SYN3: variants seen among roughly 807,000 people sequenced by gnomAD.
SYN3 encodes the protein synapsin III.
Under a neutral mutation model 65.8 loss-of-function variants are expected in SYN3, and 35 were observed. The observed-to-expected ratio is 0.53, with a 90% CI of 0.41 to 0.70. The LOEUF is 0.70. Among genes scored for constraint, SYN3 ranks in the 30% least tolerant of loss-of-function variants. The pLI is 0.00. For synonymous variants in SYN3, 270 were observed against 292.9 expected, an observed-to-expected ratio of 0.92 and a Z score of 0.80; for missense variants, 680 against 749.0, an observed-to-expected ratio of 0.91 and a Z score of 1.08.
intron 1 of SYN3, among the ~76,000 whole-genome samples, chr22:33,016,082 G>A (rs2053461253): frequency 6.6e-6 from 1 of 152,082 alleles, no homozygotes; most frequent in Non-Finnish European, 1.5e-5. Context: ...CTGACCTCAG[G>A]TGATCCACTC....
chr22:32,847,771 T>G (rs2048109938), intron 6 of SYN3, among the ~76,000 whole-genome samples: 1 of 152,234 alleles, frequency 6.6e-6, no homozygotes, highest in African/African-American at 2.4e-5. Flanking sequence ...CTTTTTGGGC[T>G]AAGTGCAACT....
At chr22:32,724,886 T>C (rs111362665) in intron 6 of SYN3, among the ~76,000 whole-genome samples, 6,360 of 152,158 alleles carry the variant, frequency 0.042, 279 homozygotes, top group African/African-American at 0.11. Flanking sequence ...TTTGGGAGGC[T>C]GAGGTGGGCG....
intron 6 of SYN3, among the ~76,000 whole-genome samples, chr22:32,729,052 CCAGA>C (rs1415466178): frequency 2.0e-5 from 3 of 152,172 alleles, no homozygotes; most frequent in South Asian, 2.1e-4. Flanking sequence ...GCTTCTCCAG[CCAGA>C]CAGTTTTATT....
Position 32,821,415 on chromosome 22 carries a change from T to C in SYN3, c.711+43500A>G, listed in dbSNP as rs558426236. Among the ~76,000 whole-genome samples the C allele has an allele frequency of 2.5e-3, 378 of 152,346 alleles. 3 individuals are homozygous for C. The highest frequency in any genetic ancestry group is 3.7e-3 in the Non-Finnish European group (254 of 68,034). On this transcript the variant is annotated intron_variant, in intron 6 of 13. Coordinates refer to ENST00000358763, the MANE Select transcript of SYN3 (RefSeq NM_003490.4). ...CTAAGGTGTCATCAGTGCTGTGCTA[T>C]TAAAATCAGAAGTCAAAGAAGGTGG...
chr22:32,843,132 C>A (rs2047961188), intron 6 of SYN3, among the ~76,000 whole-genome samples: 1 of 152,094 alleles, frequency 6.6e-6, no homozygotes, highest in South Asian at 2.1e-4. Flanking sequence ...GCTACCTGAT[C>A]CTCATTGTCC....
chr22:33,042,491 G>A (rs1601951877), intron 1 of SYN3, among the ~76,000 whole-genome samples: 1 of 152,326 alleles, frequency 6.6e-6, no homozygotes, highest in East Asian at 1.9e-4. Context: ...AATCTTGCTG[G>A]AAGAAAGTAC....
chr22:32,814,349 G>GAAAGAAAGAAAGAA, intron 6 of SYN3, among the ~76,000 whole-genome samples: 2 of 148,540 alleles, frequency 1.3e-5, no homozygotes, highest in African/African-American at 5.0e-5. Flanking sequence ...GAGAAAGAAA[G>GAAAGAAAGAAAGAA]AGAGAAAGAA....
At chr22:32,915,928 T>C (rs569883935) in intron 4 of SYN3, among the ~76,000 whole-genome samples, 2 of 152,088 alleles carry the variant, frequency 1.3e-5, no homozygotes, top group Non-Finnish European at 2.9e-5. Flanking sequence ...CACTGAGAGG[T>C]GGGGTGTCCT....
intron 6 of SYN3, chr22:32,857,447 C>A (rs902636161): frequency 1.0e-6 from 1 of 985,746 alleles, no homozygotes; most frequent in African/African-American, 1.6e-5. Context: ...GAGTAGTTGA[C>A]TCACCAAATG....
At chr22:32,716,759 G>C (rs1222853940) in intron 6 of SYN3, among the ~76,000 whole-genome samples, 2 of 152,146 alleles carry the variant, frequency 1.3e-5, no homozygotes, top group Non-Finnish European at 2.9e-5. Flanking sequence ...CTGAGCTCAA[G>C]TAATCCACCC....
intron 6 of SYN3, among the ~76,000 whole-genome samples, chr22:32,737,506 C>A (rs1255374598): frequency 1.3e-5 from 2 of 152,050 alleles, no homozygotes; most frequent in Non-Finnish European, 2.9e-5. Context: ...TGATGTTCCC[C>A]TTCCTGTGTC....
rs1476201654 is a variant in SYN3, at chr22:33,043,728, T to C, written c.-163+14564A>G. The stretch of plus-strand genomic sequence containing the variant: ...TAATTCTAACTCGTCCATAAGCTTG[T>C]GGTGAGAATTAAGTGAATTAAGCCA... On this transcript the variant is annotated intron_variant, in intron 1 of 13. Coordinates refer to ENST00000358763, the MANE Select transcript of SYN3 (RefSeq NM_003490.4). 2.6e-5 allele frequency among the ~76,000 whole-genome samples: 4 copies of C among 151,990 alleles called. No homozygotes were observed. The East Asian group carries it at 5.8e-4, about 22-fold the overall frequency.
In SYN3 at chr22:32,513,774, C is replaced by G. The variant is rs148792587; in HGVS notation, c.1661G>C (p.Arg554Pro). 379 of 1,614,142 alleles carry G rather than the reference C, an allele frequency of 2.3e-4. 1 individual carries two copies. Among genetic ancestry groups the G allele is most frequent in the Middle Eastern group, 2.3e-3 (14 of 6,060 alleles). Reference protein sequence around the residue: ...NSLSTSDTSQRGTPSEDEAKA... With the variant: ...NSLSTSDTSQPGTPSEDEAKA... ...GGCCTCGTCTTCACTTGGGGTCCCA[C>G]GCTGGGAGGTGTCGGATGTGCTGAG... The change falls in exon 14 of 14, where the codon CGT becomes CCT. Residue 554 changes from arginine (R) to proline (P), a missense_variant. Physicochemically the swap from Arg to Pro is moderately radical, Grantham distance 103. Transcript: ENST00000358763.
intron 6 of SYN3, among the ~76,000 whole-genome samples, chr22:32,676,114 C>G (rs2060437466): frequency 6.6e-6 from 1 of 152,240 alleles, no homozygotes; most frequent in Non-Finnish European, 1.5e-5. Context: ...AAGATCTCCC[C>G]TGAGGAGCCC....
At chr22:32,629,508 G>A (rs1387485594) in intron 6 of SYN3, 4 of 152,274 alleles carry the variant, frequency 2.6e-5, no homozygotes, top group Non-Finnish European at 5.9e-5. Context: ...CCCTGGGACA[G>A]CCAGCCCAGG....
chr22:32,946,209 T>C (rs1410013229), intron 3 of SYN3, among the ~76,000 whole-genome samples: 5 of 152,228 alleles, frequency 3.3e-5, no homozygotes, highest in Non-Finnish European at 7.3e-5. Context: ...CCCAAAGGAC[T>C]ATAAATCATG....
At chr22:32,850,617 A>T (rs1167695717) in intron 6 of SYN3, among the ~76,000 whole-genome samples, 1 of 152,138 alleles carries the variant, frequency 6.6e-6, no homozygotes, top group African/African-American at 2.4e-5. Context: ...TTGGGAGAGA[A>T]GAGGCAGGTA....
At chr22:32,724,238 C>G (rs941793366) in intron 6 of SYN3, among the ~76,000 whole-genome samples, 2 of 141,278 alleles carry the variant, frequency 1.4e-5, no homozygotes, top group African/African-American at 5.7e-5. Context: ...ATATAGGGTA[C>G]TTTTCTGTTT....
chr22:32,586,068 GTATACA>G (rs2059033133), intron 7 of SYN3, among the ~76,000 whole-genome samples: 1 of 132,700 alleles, frequency 7.5e-6, no homozygotes, highest in African/African-American at 2.8e-5. Context: ...ATGTATATAT[GTATACA>G]TGTATACATG....
Sources: gnomAD v4.1 joint callset for allele counts (sites outside exome capture counted in the v4.1 genomes callset) on GRCh38, gnomAD v4.1.1 for gene constraint, MANE v1.5 for transcripts, NCBI Gene and HGNC (gene_info 2026-07-23, HGNC 2026-07-21) for gene names.